VTA1: variants seen among roughly 807,000 people sequenced by gnomAD.
VTA1 encodes vacuolar protein sorting-associated protein VTA1 homolog.
VTA1 carries 24 observed loss-of-function variants against 36.9 expected under a neutral mutation model. That is an observed-to-expected ratio of 0.65 (90% CI 0.47 to 0.91). VTA1 has a LOEUF of 0.91. VTA1 is among the 40% of genes least tolerant of loss of function. The pLI, the probability that VTA1 is intolerant of heterozygous loss-of-function variation, is 0.00. For synonymous variants in VTA1, 142 were observed against 130.2 expected (o/e 1.09, Z -0.62); for missense variants, 393 against 377.2 (o/e 1.04, Z -0.35).
At chr6:142,172,216 G>A (rs1253947282) in intron 4 of VTA1, among the ~76,000 whole-genome samples, 2 of 152,064 alleles carry the variant, frequency 1.3e-5, no homozygotes, top group Admixed American at 1.3e-4. Flanking sequence ...TCACTGTGTT[G>A]GCCAGGATGA....
rs1776082923 is a variant in VTA1 at position 142,220,236 on chromosome 6, T to C, written c.*1593T>C. The C allele has an allele frequency of 1.3e-5, 2 of 152,212 alleles. No individual in the cohort carries two copies. The allele number at this position is 152,212 out of a possible 1,614,324, so 9.4% of individuals were successfully genotyped here. On this transcript the variant is annotated 3_prime_UTR_variant, in exon 8 of 8. Coordinates refer to ENST00000367630, the MANE Select transcript of VTA1 (RefSeq NM_016485.5). Reference sequence around the variant, plus strand: ...TTGCATCTAGAAATCCAATGCTCTTTAGAATGTTATTACGAATAGAAAGAT... The same window carrying C: ...TTGCATCTAGAAATCCAATGCTCTTCAGAATGTTATTACGAATAGAAAGAT...
At chr6:142,174,925 A>G (rs1452082042) in intron 4 of VTA1, among the ~76,000 whole-genome samples, 1 of 152,150 alleles carries the variant, frequency 6.6e-6, no homozygotes, top group Non-Finnish European at 1.5e-5. Context: ...ACCAGAAGCC[A>G]AGCAGATGCT....
intron 7 of VTA1, among the ~76,000 whole-genome samples, chr6:142,210,143 G>C (rs943002267): frequency 2.0e-5 from 3 of 152,100 alleles, no homozygotes; most frequent in African/African-American, 7.2e-5. Context: ...TTTTGACAAA[G>C]ATGCCGAGAA....
Position 142,222,991 on chromosome 6 carries a change from C to A in VTA1, c.*4348C>A, listed in dbSNP as rs1776138059. 6.6e-6 allele frequency: 1 copy of A among 152,150 alleles called. No individual in the cohort carries two copies. Among genetic ancestry groups the A allele is most frequent in the Non-Finnish European group, 1.5e-5 (1 of 68,028 alleles). 9.4% of individuals were successfully genotyped at this position (152,150 alleles called of 1,614,324 possible). A position where few individuals can be genotyped will look rare whatever the true frequency, so the allele number is the denominator to read the frequency against. ...AATATTTATTTCTAAGCTCAGACTGCCTGTTTCAGATCATAAGAAGTATCA... is the reference window on the plus strand; with the variant it reads ...AATATTTATTTCTAAGCTCAGACTGACTGTTTCAGATCATAAGAAGTATCA... On this transcript the variant is annotated 3_prime_UTR_variant, in exon 8 of 8. Transcript: ENST00000367630.
chr6:142,181,502 G>T (rs1013443870), intron 4 of VTA1, among the ~76,000 whole-genome samples: 2 of 148,422 alleles, frequency 1.3e-5, no homozygotes, highest in African/African-American at 4.9e-5. Flanking sequence ...ACATTTATAT[G>T]TAGAAATAAA....
At chr6:142,212,891 C>T (rs1775930728) in intron 7 of VTA1, among the ~76,000 whole-genome samples, 1 of 152,178 alleles carries the variant, frequency 6.6e-6, no homozygotes, top group Non-Finnish European at 1.5e-5. Context: ...CCAGGCCCCT[C>T]CTTCAATTCA....
Position 142,222,289 on chromosome 6 carries a change from T to A in VTA1, c.*3646T>A, listed in dbSNP as rs746881209. ...CCAGCCCAAGTGAAACTGATAACGGTGTTTTGTCAATGCGGCAGAGGGAGA... is the reference window on the plus strand; with the variant it reads ...CCAGCCCAAGTGAAACTGATAACGGAGTTTTGTCAATGCGGCAGAGGGAGA... On this transcript the variant is annotated 3_prime_UTR_variant, in exon 8 of 8. Coordinates refer to ENST00000367630, the MANE Select transcript of VTA1 (RefSeq NM_016485.5). The A allele has an allele frequency of 1.6e-4, 24 of 152,314 alleles. No homozygotes were observed. The highest frequency in any genetic ancestry group is 3.2e-4 in the Non-Finnish European group (22 of 68,028). 9.4% of individuals were successfully genotyped at this position (152,314 alleles called of 1,614,324 possible).
At chr6:142,172,054 A>G (rs1263634398) in intron 4 of VTA1, among the ~76,000 whole-genome samples, 1 of 152,184 alleles carries the variant, frequency 6.6e-6, no homozygotes, top group Admixed American at 6.5e-5. Context: ...CTCTGTCACC[A>G]GGCTGGAGTG....
chr6:142,217,546 G>T (rs575011119), intron 7 of VTA1, among the ~76,000 whole-genome samples: 2 of 151,228 alleles, frequency 1.3e-5, no homozygotes, highest in East Asian at 3.9e-4. Flanking sequence ...TATGCTGCGT[G>T]TGTGTATTTG....
At chr6:142,157,372 A>C (rs73581623) in intron 1 of VTA1, among the ~76,000 whole-genome samples, 1 of 152,154 alleles carries the variant, frequency 6.6e-6, no homozygotes, top group African/African-American at 2.4e-5. Flanking sequence ...AAGCTTTCTC[A>C]GGGTACTTTA....
In VTA1 at chr6:142,150,471, C is replaced by T. The variant is rs370103274; in HGVS notation, c.112+3072C>T. On this transcript the variant is annotated intron_variant, in intron 1 of 7. Transcript: ENST00000367630. ...TTCCTACATCCTGTTCACAATTGTCCTTCTCCCACTTTAATGAAGAACGGC... is the reference window on the plus strand; with the variant it reads ...TTCCTACATCCTGTTCACAATTGTCTTTCTCCCACTTTAATGAAGAACGGC... Among the ~76,000 whole-genome samples the T allele has an allele frequency of 7.4e-4, 112 of 152,214 alleles. 5 individuals are homozygous for T. In the South Asian group the frequency reaches 0.023, roughly 31 times the overall value.
intron 1 of VTA1, among the ~76,000 whole-genome samples, chr6:142,157,157 C>T (rs182655308): frequency 5.9e-5 from 9 of 152,232 alleles, no homozygotes; most frequent in Admixed American, 2.0e-4. Flanking sequence ...AGCGAGACTC[C>T]GTCTCAAAAA....
chr6:142,198,312 C>G, intron 5 of VTA1, 127 bp from the exon 6 acceptor site: 1 of 791,576 alleles, frequency 1.3e-6, no homozygotes, highest in Non-Finnish European at 1.8e-6. Flanking sequence ...ATAGAGCTTG[C>G]TTCTCCACTG....
chr6:142,197,640 A>G (rs1340105298), intron 5 of VTA1, among the ~76,000 whole-genome samples: 1 of 152,212 alleles, frequency 6.6e-6, no homozygotes, highest in Non-Finnish European at 1.5e-5. Context: ...CTCACAGATA[A>G]TCATTTAGTA....
At chr6:142,188,054 T>A (rs1775377807) in intron 4 of VTA1, among the ~76,000 whole-genome samples, 1 of 150,286 alleles carries the variant, frequency 6.7e-6, no homozygotes, top group Non-Finnish European at 1.5e-5. Flanking sequence ...ATTACAGGTG[T>A]GTGCCACCAT....
intron 7 of VTA1, among the ~76,000 whole-genome samples, chr6:142,208,410 A>G (rs1352559785): frequency 1.3e-5 from 2 of 152,142 alleles, no homozygotes; most frequent in Admixed American, 6.5e-5. Flanking sequence ...AAAAAAGAGA[A>G]TGAAAAGGAC....
intron 6 of VTA1, among the ~76,000 whole-genome samples, chr6:142,201,295 G>A (rs1403513974): frequency 6.6e-6 from 1 of 151,704 alleles, no homozygotes; most frequent in African/African-American, 2.4e-5. Flanking sequence ...CTCACGTTAA[G>A]AATGATTTAT....
At chr6:142,194,094 G>C (rs225677) in intron 5 of VTA1, among the ~76,000 whole-genome samples, 67,289 of 151,810 alleles carry the variant, frequency 0.44, 15,709 homozygotes, top group Middle Eastern at 0.56. Flanking sequence ...GATATTCATA[G>C]TAAGGTGATA....
rs183560150 is a variant in VTA1, at chr6:142,156,446, T to G, written c.112+9047T>G. Among the ~76,000 whole-genome samples, 1,386 of 152,322 alleles carry G rather than the reference T, an allele frequency of 9.1e-3. 12 individuals carry two copies. The highest frequency in any genetic ancestry group is 0.014 in the Non-Finnish European group (979 of 68,032). ...ATAGTATGTCTCTGAGCTCCATCTC[T>G]TTATTTTTCTTTAATGAAGCCGGAA... On this transcript the variant is annotated intron_variant, in intron 1 of 7. Transcript: ENST00000367630.
Sources: allele counts gnomAD v4.1 joint callset (sites outside exome capture counted in the v4.1 genomes callset), GRCh38; gene constraint gnomAD v4.1.1; transcripts MANE v1.5; gene names NCBI Gene and HGNC (gene_info 2026-07-23, HGNC 2026-07-21).